The following ALPK2 variants were observed in gnomAD, a reference collection of about 807,000 sequenced individuals.
ALPK2 encodes alpha kinase 2.
Under a neutral mutation model 163.1 loss-of-function variants are expected in ALPK2, and 127 were observed. The ratio of observed to expected loss-of-function variants is 0.78; its 90% CI spans 0.67 to 0.90. ALPK2 has a LOEUF of 0.90. ALPK2 is among the 40% of genes least tolerant of loss of function. The pLI, the probability that ALPK2 is intolerant of heterozygous loss-of-function variation, is 0.00. For missense variants in ALPK2, 2,360 were observed against 2,589.6 expected (o/e 0.91, Z 1.92); for synonymous variants, 953 against 959.1 (o/e 0.99, Z 0.12).
chr18:58,485,464 C>A (rs569937117), intron 12 of ALPK2, among the ~76,000 whole-genome samples: 2 of 152,354 alleles, frequency 1.3e-5, no homozygotes, highest in South Asian at 4.1e-4. Context: ...ATAAATCCAG[C>A]TGCCCCTCCT....
intron 1 of ALPK2, among the ~76,000 whole-genome samples, chr18:58,614,981 AT>A (rs36032036): frequency 0.02 from 2,823 of 140,084 alleles, 55 homozygotes; most frequent in African/African-American, 0.064. Flanking sequence ...TCTATTATGG[AT>A]TTTTTTTTTT....
At chr18:58,491,678 T>G (rs1193976873) in intron 12 of ALPK2, among the ~76,000 whole-genome samples, 2 of 152,116 alleles carry the variant, frequency 1.3e-5, no homozygotes, top group African/African-American at 4.8e-5. Context: ...GGAGACTGAT[T>G]TGAGTAGTAA....
At position 58,575,206 on chromosome 18, in the gene ALPK2, CAAA is replaced by C. The variant is rs536358887; in HGVS notation, c.1962+3605_1962+3607del. 1.7e-3 allele frequency among the ~76,000 whole-genome samples: 218 copies of C among 124,950 alleles called. 1 individual carries two copies. The highest frequency in any genetic ancestry group is 4.2e-3 in the Middle Eastern group (1 of 238). The allele number at this position is 124,950 out of a possible 152,430, so 82.0% of individuals were successfully genotyped here. The stretch of plus-strand genomic sequence containing the variant: ...GGGCAACAAGAGTGAAACCTCGTTT[CAAA>C]AAAAAAAAAAGAAGAAGAAGAAAGA... On this transcript the variant is annotated intron_variant, in intron 4 of 12. Transcript: ENST00000361673.
At chr18:58,541,212 C>G (rs1432564943) in intron 4 of ALPK2, among the ~76,000 whole-genome samples, 1 of 152,234 alleles carries the variant, frequency 6.6e-6, no homozygotes, top group Non-Finnish European at 1.5e-5. Flanking sequence ...GGAGAGGCCT[C>G]AGGGAACTTT....
chr18:58,588,115 G>A (rs1036225955), intron 3 of ALPK2, among the ~76,000 whole-genome samples: 6 of 152,180 alleles, frequency 3.9e-5, no homozygotes, highest in African/African-American at 1.4e-4. Flanking sequence ...TCCAGCAGAG[G>A]TGCTGTGTGT....
Position 58,516,976 on chromosome 18 carries a change from TG to T in ALPK2, c.5871del (p.His1957GlnfsTer77). The T allele has an allele frequency of 6.2e-7, 1 of 1,614,204 alleles. No individual in the cohort carries two copies. The highest frequency in any genetic ancestry group is 8.5e-7 in the Non-Finnish European group (1 of 1,180,024). The part of the protein sequence containing the change: ...KPGHACVLKV[H>X]NAIAYGTRNN... The stretch of plus-strand genomic sequence containing the variant: ...TTTCTGGTCCCATAGGCAATGGCAT[TG>T]TGCACCTTAAGCACACAGGCATGGC... On this transcript the variant is annotated frameshift_variant, in exon 9 of 13. Coordinates refer to ENST00000361673, the MANE Select transcript of ALPK2 (RefSeq NM_052947.4).
chr18:58,615,545 A>G (rs2052162217), intron 1 of ALPK2, among the ~76,000 whole-genome samples: 1 of 152,212 alleles, frequency 6.6e-6, no homozygotes, highest in African/African-American at 2.4e-5. Context: ...CTGTTACATA[A>G]TTAGTTTTCA....
chr18:58,532,772 G>A (rs2051622803), intron 5 of ALPK2, among the ~76,000 whole-genome samples: 2 of 152,198 alleles, frequency 1.3e-5, no homozygotes, highest in East Asian at 3.8e-4. Flanking sequence ...ATACCTGAGA[G>A]GAGTCTTATC....
At position 58,535,018 on chromosome 18, in the gene ALPK2, T is replaced by C. The variant is rs762356178; in HGVS notation, c.5169A>G (p.Leu1723=). 27 of 1,614,050 alleles carry C rather than the reference T, an allele frequency of 1.7e-5. No individual in the cohort carries two copies. Among genetic ancestry groups the C allele is most frequent in the Non-Finnish European group, 8.5e-7 (1 of 1,180,018 alleles). Residue 1723 remains leucine, a synonymous_variant, in exon 5 of 13, where the codon TTA becomes TTG. Coordinates refer to ENST00000361673, the MANE Select transcript of ALPK2 (RefSeq NM_052947.4). ...AAATTTTCTTCTTTACTCCCTCAGC[T>C]AAATGTCCACTGCCTGGGGCTTCTG... ...RKPEAPGSGH[L]AEGVKKKILS... is the part of the protein sequence containing the mutation.
chr18:58,531,152 G>T (rs994767718), intron 5 of ALPK2, among the ~76,000 whole-genome samples: 1 of 152,102 alleles, frequency 6.6e-6, no homozygotes, highest in African/African-American at 2.4e-5. Context: ...CCATGATCTC[G>T]CCACTGCAAT....
chr18:58,560,202 G>C (rs1466427808), intron 4 of ALPK2, among the ~76,000 whole-genome samples: 1 of 152,188 alleles, frequency 6.6e-6, no homozygotes, highest in Non-Finnish European at 1.5e-5. Context: ...AGTCTCACAA[G>C]ATCTGATGGT....
chr18:58,529,043 A>G lies in ALPK2; in HGVS notation c.5501+48T>C, dbSNP rs758062160. On this transcript the variant is annotated intron_variant, in intron 6 of 12. Transcript: ENST00000361673. ...TTTCTTTTTTACAACCATGTTGTGAAATAAACAAGCAACAACTGTGAAAAG... is the reference window on the plus strand; with the variant it reads ...TTTCTTTTTTACAACCATGTTGTGAGATAAACAAGCAACAACTGTGAAAAG... The G allele has an allele frequency of 6.8e-6, 11 of 1,611,830 alleles. No homozygotes were observed. The African/African-American group carries it at 1.5e-4, about 22-fold the overall frequency.
chr18:58,568,423 G>A (rs1602222379), intron 4 of ALPK2, among the ~76,000 whole-genome samples: 1 of 152,262 alleles, frequency 6.6e-6, no homozygotes, highest in South Asian at 2.1e-4. Context: ...GGTGGAACTT[G>A]GAACCCCCCA....
rs967273903 is a variant in ALPK2, at chr18:58,538,112, G to A, written c.2075C>T (p.Ser692Leu). The A allele has an allele frequency of 2.5e-6, 4 of 1,614,010 alleles. No homozygotes were observed. Among genetic ancestry groups the A allele is most frequent in the Non-Finnish European group, 3.4e-6 (4 of 1,180,034 alleles). Reference sequence around the variant, plus strand: ...TTCCTTGTGGACCCCTCCTAAGTTTGAGAAGGAAATTGTTGTGGTCCCAGT... The same window carrying A: ...TTCCTTGTGGACCCCTCCTAAGTTTAAGAAGGAAATTGTTGTGGTCCCAGT... Reference protein sequence around the residue: ...PFTGTTTISFSNLGGVHKENA... With the variant: ...PFTGTTTISFLNLGGVHKENA... The change falls in exon 5 of 13, where the codon TCA becomes TTA. Residue 692 changes from serine to leucine, a missense_variant. Ser to Leu is a moderately radical substitution (Grantham distance 145, BLOSUM62 -2). Coordinates refer to ENST00000361673, the MANE Select transcript of ALPK2 (RefSeq NM_052947.4).
rs537279381 is a variant in ALPK2, at chr18:58,581,335, G to A, written c.228-787C>T. ...AAAGATAATACCATGATAGGACTAC[G>A]TATATGAAGGACAGTGCTGTTTCCT... On this transcript the variant is annotated intron_variant, in intron 3 of 12. Transcript: ENST00000361673. Among the ~76,000 whole-genome samples the A allele has an allele frequency of 1.5e-4, 23 of 152,342 alleles. No individual in the cohort carries two copies. In the South Asian group the frequency reaches 3.3e-3, roughly 22 times the overall value.
At chr18:58,515,221 G>C (rs2051515072) in intron 9 of ALPK2, 140 bp from the exon 10 acceptor site, 2 of 565,068 alleles carry the variant, frequency 3.5e-6, no homozygotes, top group Admixed American at 3.7e-5. Flanking sequence ...GGGTCACAGA[G>C]GCAACGATTA....
intron 3 of ALPK2, among the ~76,000 whole-genome samples, chr18:58,592,067 C>T (rs962109679): frequency 1.3e-5 from 2 of 152,218 alleles, no homozygotes; most frequent in Non-Finnish European, 2.9e-5. Flanking sequence ...AACTGCATTT[C>T]ATACCACAGA....
At chr18:58,570,929 AG>A (rs1435153111) in intron 4 of ALPK2, among the ~76,000 whole-genome samples, 1 of 152,210 alleles carries the variant, frequency 6.6e-6, no homozygotes, top group East Asian at 1.9e-4. Context: ...CGTGGCTGCA[AG>A]GCTGATGTTT....
At chr18:58,488,793 G>C (rs2051354757) in intron 12 of ALPK2, among the ~76,000 whole-genome samples, 1 of 152,042 alleles carries the variant, frequency 6.6e-6, no homozygotes, top group African/African-American at 2.4e-5. Context: ...TGTGATGTGT[G>C]TGTGTAAAAT....
Sources: gnomAD v4.1 joint callset for allele counts (sites outside exome capture counted in the v4.1 genomes callset) on GRCh38, gnomAD v4.1.1 for gene constraint, MANE v1.5 for transcripts, NCBI Gene and HGNC (gene_info 2026-07-23, HGNC 2026-07-21) for gene names.